Variants in OPHN1 observed in about 807,000 individuals in gnomAD.
OPHN1 encodes oligophrenin-1.
OPHN1 carries 11 observed loss-of-function variants against 60.7 expected under a neutral mutation model. The ratio of observed to expected loss-of-function variants is 0.18; its 90% CI spans 0.11 to 0.30. OPHN1 has a LOEUF of 0.30. Ranked by LOEUF, OPHN1 falls within the 10% of genes least tolerant of loss-of-function variation. The pLI is 1.00. For missense variants in OPHN1, 449 were observed against 611.0 expected, an observed-to-expected ratio of 0.73 and a Z score of 2.80; for synonymous variants, 226 against 222.6, an observed-to-expected ratio of 1.02 and a Z score of -0.14.
intron 5 of OPHN1, among the ~76,000 whole-genome samples, chrX:68,256,896 G>T (rs2077866578): frequency 9.1e-6 from 1 of 109,993 alleles, no homozygotes; most frequent in African/African-American, 3.3e-5. Flanking sequence ...GCTGGGTGTG[G>T]TGGCACACTC....
intron 2 of OPHN1, among the ~76,000 whole-genome samples, chrX:68,323,085 C>T (rs1476698896): frequency 9.0e-6 from 1 of 111,136 alleles, no homozygotes; most frequent in Non-Finnish European, 1.9e-5. Flanking sequence ...TTGATGAAAT[C>T]GTTATGTATA....
At chrX:68,226,920 A>G (rs897228686) in intron 6 of OPHN1, among the ~76,000 whole-genome samples, 2 of 111,904 alleles carry the variant, frequency 1.8e-5, no homozygotes, top group African/African-American at 6.5e-5. Context: ...GCTCCAATTA[A>G]AAGACACAGA....
chrX:68,415,337 A>G (rs1407199873), intron 2 of OPHN1, among the ~76,000 whole-genome samples: 1 of 112,087 alleles, frequency 8.9e-6, no homozygotes, highest in Non-Finnish European at 1.9e-5. Context: ...TCCTGAAATA[A>G]CAAGATCATA....
intron 2 of OPHN1, among the ~76,000 whole-genome samples, chrX:68,370,878 AAAG>A (rs1291643873): frequency 1.8e-5 from 2 of 111,797 alleles, no homozygotes; most frequent in Admixed American, 9.6e-5. Context: ...ATAAACATAA[AAAG>A]AAGAAGGGAC....
At chrX:68,176,684 A>G (rs2077415650) in intron 15 of OPHN1, among the ~76,000 whole-genome samples, 1 of 111,249 alleles carries the variant, frequency 9.0e-6, no homozygotes, top group South Asian at 3.8e-4. Flanking sequence ...TACTTTCTCG[A>G]CATATACTTA....
chrX:68,076,642 C>G (rs1231622711), intron 19 of OPHN1, among the ~76,000 whole-genome samples: 2 of 111,475 alleles, frequency 1.8e-5, no homozygotes, highest in African/African-American at 6.5e-5. Context: ...TGTATAATTA[C>G]TATGTGACTC....
chrX:68,197,709 A>G (rs971147987), intron 11 of OPHN1, among the ~76,000 whole-genome samples: 2 of 111,447 alleles, frequency 1.8e-5, no homozygotes, highest in African/African-American at 6.5e-5. Context: ...GCGATGTCCA[A>G]GAAACATTTT....
chrX:68,412,799 A>C (rs1216549853), intron 2 of OPHN1, among the ~76,000 whole-genome samples: 1 of 112,176 alleles, frequency 8.9e-6, no homozygotes, highest in Non-Finnish European at 1.9e-5. Context: ...AAAAAGAAAG[A>C]CACTAGACCC....
At chrX:68,368,194 T>TGG (rs747294456) in intron 2 of OPHN1, among the ~76,000 whole-genome samples, 1 of 110,540 alleles carries the variant, frequency 9.0e-6, no homozygotes, top group African/African-American at 3.3e-5. Flanking sequence ...AAAAAGCTGA[T>TGG]GGGGGGCAGA....
At chrX:68,336,887 CTACCAA>C (rs2078326237) in intron 2 of OPHN1, among the ~76,000 whole-genome samples, 1 of 110,198 alleles carries the variant, frequency 9.1e-6, no homozygotes, top group Admixed American at 9.8e-5. Context: ...AACCCCATCT[CTACCAA>C]AAATACAAAA....
intron 2 of OPHN1, among the ~76,000 whole-genome samples, chrX:68,303,830 G>A (rs1016059037): frequency 1.8e-5 from 2 of 110,850 alleles, no homozygotes; most frequent in South Asian, 3.9e-4. Context: ...GTATGTGAGA[G>A]CTAAAAAAGT....
At chrX:68,400,935 C>T (rs1244883602) in intron 2 of OPHN1, among the ~76,000 whole-genome samples, 1 of 111,348 alleles carries the variant, frequency 9.0e-6, no homozygotes, top group Non-Finnish European at 1.9e-5. Context: ...TTTTTTCTTT[C>T]AGGCACATCC....
chrX:68,215,674 G>A (rs1482307597), intron 6 of OPHN1, among the ~76,000 whole-genome samples: 1 of 111,512 alleles, frequency 9.0e-6, no homozygotes, highest in African/African-American at 3.2e-5. Context: ...AGTTATATCA[G>A]ACTTCTCTTA....
At position 68,063,747 on chromosome X, in the gene OPHN1, A is replaced by G. The variant is rs888158776; in HGVS notation, c.2158+107T>C. The G allele has an allele frequency of 6.1e-6, 4 of 661,106 alleles. No individual in the cohort carries two copies. In the Admixed American group the frequency reaches 1.2e-4, roughly 20 times the overall value. The allele number at this position is 661,106 out of a possible 1,213,427, so 54.5% of individuals were successfully genotyped here. ...CCACTGTTCCAATATTAGTGGTAGT[A>G]AACTGGAACATATTTCCACTTAAAT... is the stretch of plus-strand genomic sequence containing the variant. On this transcript the variant is annotated intron_variant, in intron 21 of 24. Coordinates refer to ENST00000355520, the MANE Select transcript of OPHN1 (RefSeq NM_002547.3).
At chrX:68,049,749 T>C (rs1304698131) in intron 23 of OPHN1, among the ~76,000 whole-genome samples, 1 of 112,111 alleles carries the variant, frequency 8.9e-6, no homozygotes, top group Non-Finnish European at 1.9e-5. Context: ...GCCTTCACGA[T>C]CTGGCTCCAA....
intron 4 of OPHN1, among the ~76,000 whole-genome samples, chrX:68,280,017 G>T (rs1253236877): frequency 2.7e-5 from 3 of 111,671 alleles, no homozygotes; most frequent in Non-Finnish European, 3.8e-5. Context: ...TGAAATGGGG[G>T]CAAATGCCTT....
intron 2 of OPHN1, among the ~76,000 whole-genome samples, chrX:68,337,982 T>C (rs925120272): frequency 4.5e-5 from 5 of 111,431 alleles, no homozygotes; most frequent in African/African-American, 6.5e-5. Context: ...AATCCAACAA[T>C]AGACATTGAA....
intron 2 of OPHN1, among the ~76,000 whole-genome samples, chrX:68,420,617 G>C (rs185929599): frequency 2.7e-5 from 3 of 110,611 alleles, no homozygotes; most frequent in African/African-American, 9.9e-5. Flanking sequence ...TATTATAGAA[G>C]GTCTGTCTCT....
intron 15 of OPHN1, among the ~76,000 whole-genome samples, chrX:68,136,852 G>T (rs1234818843): frequency 8.9e-6 from 1 of 111,802 alleles, no homozygotes; most frequent in African/African-American, 3.3e-5. Context: ...TTTTGAATAA[G>T]AAATTAGATG....
Sources: allele counts gnomAD v4.1 joint callset (sites outside exome capture counted in the v4.1 genomes callset), GRCh38; gene constraint gnomAD v4.1.1; transcripts MANE v1.5; gene names NCBI Gene and HGNC (gene_info 2026-07-23, HGNC 2026-07-21).